HS6ST2: variants seen among roughly 807,000 people sequenced by gnomAD.
HS6ST2 encodes heparan sulfate 6-O-sulfotransferase 2.
A neutral mutation model predicts 33.0 loss-of-function variants in HS6ST2; 17 were observed. That is an observed-to-expected ratio of 0.52 (90% CI 0.35 to 0.77). HS6ST2 has a LOEUF of 0.77. Ranked by LOEUF, HS6ST2 falls within the 30% of genes least tolerant of loss-of-function variation. HS6ST2 has a pLI of 0.01. For missense variants in HS6ST2, 519 were observed against 551.7 expected, an observed-to-expected ratio of 0.94 and a Z score of 0.59; for synonymous variants, 248 against 237.1, an observed-to-expected ratio of 1.05 and a Z score of -0.42.
intron 2 of HS6ST2, among the ~76,000 whole-genome samples, chrX:132,935,176 C>T (rs1468151794): frequency 9.0e-5 from 1 of 11,108 alleles, no homozygotes; most frequent in Non-Finnish European, 1.5e-4. Flanking sequence ...ACTTCATTAT[C>T]CCAATTTAAA....
intron 2 of HS6ST2, among the ~76,000 whole-genome samples, chrX:132,856,064 C>A (rs940774659): frequency 1.8e-5 from 2 of 111,511 alleles, no homozygotes; most frequent in African/African-American, 6.5e-5. Flanking sequence ...TGAATTGTAA[C>A]AGTATGCATT....
At chrX:132,748,377 T>C (rs1013026332) in intron 2 of HS6ST2, among the ~76,000 whole-genome samples, 2 of 112,050 alleles carry the variant, frequency 1.8e-5, no homozygotes, top group Non-Finnish European at 3.8e-5. Flanking sequence ...CCGCTGGTAA[T>C]AGAACCAAAA....
rs917762811 is a variant in HS6ST2 at position 132,958,219 on chromosome X, G to A, written c.384C>T (p.His128=). The A allele has an allele frequency of 8.5e-7, 1 of 1,171,095 alleles. No homozygotes were observed. Among genetic ancestry groups the A allele is most frequent in the Admixed American group, 2.4e-5 (1 of 41,011 alleles). Reference sequence around the variant, plus strand: ...TCTTGGAGAAGATCGCACCGAGCACGTGCTTCAGCGAGTGGCCCAGGGCGG... The same window carrying A: ...TCTTGGAGAAGATCGCACCGAGCACATGCTTCAGCGAGTGGCCCAGGGCGG... ...GLAALGHSLK[H]VLGAIFSKIF... is the part of the protein sequence containing the mutation. The change falls in exon 1 of 5, where the codon CAC becomes CAT. Residue 128 remains histidine, a synonymous_variant. Coordinates refer to ENST00000370833, the MANE Select transcript of HS6ST2 (RefSeq NM_001394073.1).
intron 2 of HS6ST2, among the ~76,000 whole-genome samples, chrX:132,801,018 C>G (rs151231538): frequency 7.1e-4 from 79 of 111,547 alleles, no homozygotes; most frequent in African/African-American, 2.3e-3. Flanking sequence ...ACTTTGAGTC[C>G]ATTAAATCTC....
chrX:132,947,831 C>T, intron 2 of HS6ST2, among the ~76,000 whole-genome samples: 1 of 111,485 alleles, frequency 9.0e-6, no homozygotes, highest in Non-Finnish European at 1.9e-5. Context: ...TATGATGTAA[C>T]TTGGTCCCCC....
At chrX:132,848,765 G>A (rs770576487) in intron 2 of HS6ST2, among the ~76,000 whole-genome samples, 2 of 111,761 alleles carry the variant, frequency 1.8e-5, no homozygotes, top group East Asian at 2.8e-4. Flanking sequence ...TGGAATTACC[G>A]AAGTGTCTAA....
intron 2 of HS6ST2, among the ~76,000 whole-genome samples, chrX:132,883,262 CT>C (rs772152270): frequency 2.7e-5 from 3 of 110,892 alleles, no homozygotes; most frequent in African/African-American, 6.6e-5. Flanking sequence ...TGGTCCTGGA[CT>C]TTTTTTGGCT....
chrX:132,684,049 G>A, intron 3 of HS6ST2, among the ~76,000 whole-genome samples: 1 of 109,245 alleles, frequency 9.2e-6, no homozygotes, highest in East Asian at 2.9e-4. Context: ...TCCCAGCAAC[G>A]AAGGCAATAA....
At chrX:132,689,060 C>T (rs1245313346) in intron 3 of HS6ST2, among the ~76,000 whole-genome samples, 2 of 112,189 alleles carry the variant, frequency 1.8e-5, no homozygotes. Context: ...TCAACCCCTT[C>T]ATTTACCTCC....
chrX:132,911,263 C>T (rs1480317631), intron 2 of HS6ST2, among the ~76,000 whole-genome samples: 1 of 111,155 alleles, frequency 9.0e-6, no homozygotes, highest in Non-Finnish European at 1.9e-5. Context: ...CCGCTCCTGG[C>T]CCCCTAACCA....
intron 2 of HS6ST2, among the ~76,000 whole-genome samples, chrX:132,923,837 T>A (rs2066681821): frequency 3.6e-5 from 4 of 111,299 alleles, no homozygotes. Flanking sequence ...TGTAATAGCA[T>A]TTGTAAATAG....
At chrX:132,897,870 C>T (rs1432718272) in intron 2 of HS6ST2, among the ~76,000 whole-genome samples, 1 of 111,384 alleles carries the variant, frequency 9.0e-6, no homozygotes. Context: ...GCTAAATATC[C>T]CCTTAACCAT....
chrX:132,868,995 A>ATTTT lies in HS6ST2; in HGVS notation c.947+87809_947+87812dup, dbSNP rs58391917. ...CAAAAAATCAATGAATCCAGGAGGT[A>ATTTT]TTTTTTTTTTAAAGACTAACAAAAT... On this transcript the variant is annotated intron_variant, in intron 2 of 4. Transcript: ENST00000370833. 1.6e-4 allele frequency among the ~76,000 whole-genome samples: 17 copies of ATTTT among 104,336 alleles called. No homozygotes were observed. In the Admixed American group the frequency reaches 1.6e-3, roughly 10 times the overall value. The allele number at this position is 104,336 out of a possible 115,157, so 90.6% of individuals were successfully genotyped here. A position where few individuals can be genotyped will look rare whatever the true frequency, so the allele number is the denominator to read the frequency against.
At chrX:132,871,084 A>T (rs768173793) in intron 2 of HS6ST2, among the ~76,000 whole-genome samples, 1 of 112,384 alleles carries the variant, frequency 8.9e-6, no homozygotes, top group Admixed American at 9.4e-5. Flanking sequence ...CAAGAAAAAA[A>T]CAAACAACCC....
chrX:132,946,858 C>A (rs2066962718), intron 2 of HS6ST2, among the ~76,000 whole-genome samples: 1 of 111,761 alleles, frequency 8.9e-6, no homozygotes, highest in Non-Finnish European at 1.9e-5. Context: ...ATAGGTACCC[C>A]AAAATAGTAA....
chrX:132,696,871 T>C (rs2064108621), intron 3 of HS6ST2, among the ~76,000 whole-genome samples: 2 of 111,855 alleles, frequency 1.8e-5, no homozygotes, highest in South Asian at 7.5e-4. Flanking sequence ...ATTTTTATGA[T>C]ACCTCTTCTT....
chrX:132,705,072 G>T (rs979360921), intron 3 of HS6ST2, among the ~76,000 whole-genome samples: 6 of 111,048 alleles, frequency 5.4e-5, no homozygotes, highest in Admixed American at 1.9e-4. Context: ...GCTATGTGAG[G>T]AGGTGAAGTT....
chrX:132,954,635 T>A (rs2067048321), intron 2 of HS6ST2, among the ~76,000 whole-genome samples: 1 of 112,002 alleles, frequency 8.9e-6, no homozygotes, highest in Admixed American at 9.4e-5. Context: ...TGGGCAGGAA[T>A]GAATGAAATA....
Position 132,913,080 on chromosome X carries a change from C to T in HS6ST2, c.947+43728G>A, listed in dbSNP as rs1471876751. ...ACTCAGCCACACTTTGGGACCACCA[C>T]TCGAGGGCTGGCCTCTCGAGTCCCC... is the stretch of plus-strand genomic sequence containing the variant. On this transcript the variant is annotated intron_variant, in intron 2 of 4. Coordinates refer to ENST00000370833, the MANE Select transcript of HS6ST2 (RefSeq NM_001394073.1). Among the ~76,000 whole-genome samples the T allele has an allele frequency of 2.7e-5, 3 of 111,429 alleles. No homozygotes were observed. In the East Asian group the frequency reaches 8.6e-4, roughly 32 times the overall value.
Sources: gnomAD v4.1 joint callset for allele counts (sites outside exome capture counted in the v4.1 genomes callset) on GRCh38, gnomAD v4.1.1 for gene constraint, MANE v1.5 for transcripts, NCBI Gene and HGNC (gene_info 2026-07-23, HGNC 2026-07-21) for gene names.